Variants in PDE11A observed in about 807,000 individuals in gnomAD.
PDE11A encodes the protein phosphodiesterase 11A.
PDE11A carries 100 observed loss-of-function variants against 100.5 expected under a neutral mutation model. The observed-to-expected ratio is 1.00, with a 90% confidence interval of 0.85 to 1.18. The LOEUF is 1.18. Among genes scored for constraint, PDE11A ranks in the 50% most tolerant of loss-of-function variants. PDE11A has a pLI of 0.00. For missense variants in PDE11A, 1,141 were observed against 1,152.6 expected, an observed-to-expected ratio of 0.99 and a Z score of 0.15; for synonymous variants, 381 against 420.8, an observed-to-expected ratio of 0.91 and a Z score of 1.16.
chr2:177,738,756 A>G (rs1866211), intron 10 of PDE11A, among the ~76,000 whole-genome samples: 104,488 of 152,042 alleles, frequency 0.69, 38,221 homozygotes, highest in East Asian at 0.86. Flanking sequence ...ATGGTGCTTG[A>G]TAGCACACAG....
chr2:178,086,231 T>C (rs1015812062), intron 2 of PDE11A, among the ~76,000 whole-genome samples: 1 of 151,810 alleles, frequency 6.6e-6, no homozygotes, highest in Admixed American at 6.6e-5. Context: ...TTCCAAAAAA[T>C]GCAAAAGTGT....
intron 9 of PDE11A, among the ~76,000 whole-genome samples, chr2:177,812,620 T>A (rs1409157334): frequency 2.0e-5 from 3 of 152,014 alleles, no homozygotes; most frequent in Admixed American, 6.6e-5. Flanking sequence ...GTGAGTCCCC[T>A]GAGAAAAGGG....
intron 1 of PDE11A, among the ~76,000 whole-genome samples, chr2:178,059,673 A>G (rs2086942898): frequency 6.6e-6 from 1 of 152,162 alleles, no homozygotes. Flanking sequence ...CCAGAGTCCT[A>G]TTCTCCAATC....
chr2:177,859,941 TG>T (rs1418866031), intron 5 of PDE11A, among the ~76,000 whole-genome samples: 1 of 151,772 alleles, frequency 6.6e-6, no homozygotes, highest in East Asian at 1.9e-4. Context: ...CAAAATACAC[TG>T]GATGCAGCAA....
chr2:177,800,781 T>C (rs1184429631), intron 9 of PDE11A, among the ~76,000 whole-genome samples: 3 of 152,178 alleles, frequency 2.0e-5, no homozygotes, highest in Non-Finnish European at 4.4e-5. Flanking sequence ...TAGATCTATG[T>C]CTACATGCTA....
At chr2:178,100,011 G>C (rs1244809753) in intron 2 of PDE11A, among the ~76,000 whole-genome samples, 1 of 152,118 alleles carries the variant, frequency 6.6e-6, no homozygotes, top group African/African-American at 2.4e-5. Flanking sequence ...ACTCACAAAA[G>C]GACCAATACT....
chr2:177,695,045 G>GA (rs1239645867), intron 15 of PDE11A, among the ~76,000 whole-genome samples: 11 of 149,574 alleles, frequency 7.4e-5, no homozygotes, highest in Non-Finnish European at 1.5e-4. Flanking sequence ...ATCGGATGCT[G>GA]AAAAAATGTT....
chr2:177,858,232 C>T (rs984137693), intron 5 of PDE11A, among the ~76,000 whole-genome samples: 6 of 151,884 alleles, frequency 4.0e-5, no homozygotes, highest in South Asian at 2.1e-4. Context: ...GCAACAGAAG[C>T]CAAAATTGAC....
intron 9 of PDE11A, among the ~76,000 whole-genome samples, chr2:177,788,414 T>C (rs2082573876): frequency 6.7e-6 from 1 of 150,184 alleles, no homozygotes; most frequent in Non-Finnish European, 1.5e-5. Context: ...TTTATAGCAC[T>C]AAATGCCTAC....
intron 10 of PDE11A, among the ~76,000 whole-genome samples, chr2:177,759,869 A>G (rs1014715698): frequency 6.6e-6 from 1 of 152,214 alleles, no homozygotes; most frequent in East Asian, 1.9e-4. Context: ...CAGTCTTACT[A>G]AAAGTCAATA....
intron 3 of PDE11A, among the ~76,000 whole-genome samples, chr2:177,904,084 A>G (rs1012307812): frequency 5.3e-5 from 8 of 152,230 alleles, no homozygotes; most frequent in African/African-American, 9.6e-5. Context: ...TAGGGTTTCA[A>G]ACCTTTTTGA....
chr2:177,806,471 T>C (rs2082873030), intron 9 of PDE11A, among the ~76,000 whole-genome samples: 3 of 152,206 alleles, frequency 2.0e-5, no homozygotes, highest in African/African-American at 7.2e-5. Context: ...CAGCCTCTCA[T>C]TCTAGCTGTC....
intron 9 of PDE11A, among the ~76,000 whole-genome samples, chr2:177,775,586 G>T (rs116099568): frequency 6.6e-6 from 1 of 152,152 alleles, no homozygotes; most frequent in African/African-American, 2.4e-5. Flanking sequence ...CTGTTGGCAC[G>T]TTCTCAAACT....
intron 2 of PDE11A, chr2:178,104,249 T>C: frequency 6.6e-7 from 1 of 1,522,220 alleles, no homozygotes; most frequent in South Asian, 1.1e-5. Flanking sequence ...AATCATATGC[T>C]TTATTCTTTC....
intron 10 of PDE11A, among the ~76,000 whole-genome samples, chr2:177,741,069 C>T (rs1235509289): frequency 6.6e-6 from 1 of 152,174 alleles, no homozygotes; most frequent in Non-Finnish European, 1.5e-5. Context: ...TAGCACAGTG[C>T]CAGGTTCATA....
chr2:178,081,584 T>C (rs2087285638), intron 2 of PDE11A, among the ~76,000 whole-genome samples: 1 of 152,216 alleles, frequency 6.6e-6, no homozygotes, highest in African/African-American at 2.4e-5. Flanking sequence ...TTCACCCATC[T>C]CTTCAAACAG....
intron 6 of PDE11A, among the ~76,000 whole-genome samples, chr2:177,832,554 C>CATCCATCTATCT (rs1553480017): frequency 6.8e-6 from 1 of 146,290 alleles, no homozygotes; most frequent in African/African-American, 2.5e-5. Flanking sequence ...TACTCACATC[C>CATCCATCTATCT]ATCTATCTAT....
At chr2:178,005,738 A>C (rs972700765) in intron 2 of PDE11A, among the ~76,000 whole-genome samples, 2 of 152,260 alleles carry the variant, frequency 1.3e-5, no homozygotes, top group Non-Finnish European at 2.9e-5. Flanking sequence ...GCTATTAAAA[A>C]TAGTATGCAG....
At chr2:178,017,387 A>T (rs1299262348) in intron 1 of PDE11A, among the ~76,000 whole-genome samples, 1 of 152,260 alleles carries the variant, frequency 6.6e-6, no homozygotes, top group Non-Finnish European at 1.5e-5. Context: ...AATAAATTAG[A>T]GCTACCTGTA....
Sources: gnomAD v4.1 joint callset for allele counts (sites outside exome capture counted in the v4.1 genomes callset) on GRCh38, gnomAD v4.1.1 for gene constraint, MANE v1.5 for transcripts, NCBI Gene and HGNC (gene_info 2026-07-23, HGNC 2026-07-21) for gene names.